The following PIK3C2G variants were observed in gnomAD, a reference collection of about 807,000 sequenced individuals.
PIK3C2G encodes phosphatidylinositol 3-kinase C2 domain-containing subunit gamma.
A neutral mutation model predicts 181.1 loss-of-function variants in PIK3C2G; 168 were observed. The observed-to-expected ratio is 0.93, with a 90% CI of 0.82 to 1.05. The LOEUF is 1.05. Ranked by LOEUF, PIK3C2G falls within the 50% of genes least tolerant of loss-of-function variation. The pLI is 0.00. For missense variants in PIK3C2G, 1,869 were observed against 1,732.8 expected, an observed-to-expected ratio of 1.08 and a Z score of -1.40; for synonymous variants, 573 against 592.2, an observed-to-expected ratio of 0.97 and a Z score of 0.47.
intron 16 of PIK3C2G, among the ~76,000 whole-genome samples, chr12:18,401,052 G>A (rs1592163416): frequency 2.0e-5 from 3 of 152,082 alleles, no homozygotes; most frequent in Non-Finnish European, 4.4e-5. Context: ...ATATGCAACA[G>A]GTAAAATGTG....
chr12:18,564,932 T>G (rs1049093597), intron 28 of PIK3C2G, among the ~76,000 whole-genome samples: 3 of 152,180 alleles, frequency 2.0e-5, no homozygotes, highest in Non-Finnish European at 2.9e-5. Context: ...TTGTAAAACT[T>G]TAAAAATTCT....
chr12:18,430,701 G>C (rs1052244026), intron 18 of PIK3C2G, among the ~76,000 whole-genome samples: 2 of 152,098 alleles, frequency 1.3e-5, no homozygotes, highest in Non-Finnish European at 2.9e-5. Flanking sequence ...TCAGAAACGA[G>C]GCAATGGATA....
the PIK3C2G span, among the ~76,000 whole-genome samples, chr12:18,682,202 C>G: frequency 6.6e-6 from 1 of 151,994 alleles, no homozygotes; most frequent in Non-Finnish European, 1.5e-5. Flanking sequence ...CTCAGTGATA[C>G]GTTTATTTTA....
chr12:18,377,299 T>C (rs763247809), intron 13 of PIK3C2G, among the ~76,000 whole-genome samples: 8 of 152,222 alleles, frequency 5.3e-5, no homozygotes, highest in Admixed American at 3.3e-4. Context: ...AAATTTTGTG[T>C]TGGCTTTTCT....
chr12:18,467,399 C>G (rs1267695404), intron 18 of PIK3C2G, among the ~76,000 whole-genome samples: 1 of 151,852 alleles, frequency 6.6e-6, no homozygotes, highest in African/African-American at 2.4e-5. Flanking sequence ...AAATTTTTAT[C>G]TACAATTGGT....
intron 1 of PIK3C2G, among the ~76,000 whole-genome samples, chr12:18,250,131 T>C (rs1167757846): frequency 6.6e-6 from 1 of 152,080 alleles, no homozygotes; most frequent in Non-Finnish European, 1.5e-5. Flanking sequence ...TTAGAAAATA[T>C]CGACTGGAAC....
At chr12:18,579,473 T>C (rs1025673938) in intron 29 of PIK3C2G, among the ~76,000 whole-genome samples, 11 of 152,200 alleles carry the variant, frequency 7.2e-5, no homozygotes, top group African/African-American at 2.4e-4. Context: ...TGGGGATTTG[T>C]TCTAAAGATA....
upstream of PIK3C2G, chr12:18,261,512 G>A (rs1380949125): frequency 6.6e-6 from 1 of 152,048 alleles, no homozygotes; most frequent in Admixed American, 6.6e-5. Flanking sequence ...TTTAGCTTGT[G>A]TGAGCGTATT....
intron 8 of PIK3C2G, among the ~76,000 whole-genome samples, chr12:18,328,198 A>C (rs545924323): frequency 6.6e-6 from 1 of 152,080 alleles, no homozygotes; most frequent in African/African-American, 2.4e-5. Flanking sequence ...CGATCTGGTC[A>C]GAAAATAACT....
chr12:18,250,457 A>G (rs1948084792), intron 1 of PIK3C2G, among the ~76,000 whole-genome samples: 1 of 152,072 alleles, frequency 6.6e-6, no homozygotes, highest in African/African-American at 2.4e-5. Flanking sequence ...TTTTAGCCAC[A>G]ATCACGAGGA....
chr12:18,626,352 A>G (rs560756393), intron 31 of PIK3C2G, among the ~76,000 whole-genome samples: 225 of 152,030 alleles, frequency 1.5e-3, no homozygotes, highest in Admixed American at 5.3e-3. Flanking sequence ...CTGAATATAT[A>G]TTATTTTGTA....
intron 6 of PIK3C2G, among the ~76,000 whole-genome samples, chr12:18,317,320 A>T (rs564160914): frequency 6.6e-6 from 1 of 151,944 alleles, no homozygotes; most frequent in African/African-American, 2.4e-5. Flanking sequence ...CCAAGTCTTG[A>T]TAGTTTCAGG....
intron 14 of PIK3C2G, among the ~76,000 whole-genome samples, chr12:18,390,350 G>GA (rs375039368): frequency 1.5e-4 from 23 of 152,024 alleles, no homozygotes; most frequent in Non-Finnish European, 3.1e-4. Flanking sequence ...ATATTAAAAT[G>GA]AAAAAAACCC....
At chr12:18,644,141 T>C (rs965429443) in intron 32 of PIK3C2G, among the ~76,000 whole-genome samples, 4 of 152,094 alleles carry the variant, frequency 2.6e-5, no homozygotes, top group African/African-American at 9.7e-5. Context: ...GCTTGTCTAT[T>C]TGACACTTCG....
chr12:18,542,231 G>T (rs747753707), intron 25 of PIK3C2G, among the ~76,000 whole-genome samples: 1 of 151,774 alleles, frequency 6.6e-6, no homozygotes, highest in East Asian at 1.9e-4. Flanking sequence ...ATGAGCACAC[G>T]GAAGTCTCCA....
intron 30 of PIK3C2G, among the ~76,000 whole-genome samples, chr12:18,602,236 G>T (rs73068391): frequency 1.3e-5 from 2 of 152,164 alleles, no homozygotes; most frequent in African/African-American, 4.8e-5. Context: ...TGTGGGAGCT[G>T]GGTGAGGCCT....
the PIK3C2G span, among the ~76,000 whole-genome samples, chr12:18,668,257 A>T: frequency 1.1e-3 from 162 of 152,312 alleles, 2 homozygotes; most frequent in Middle Eastern, 3.4e-3. Context: ...AGAAACACAC[A>T]TCACATTTTC....
chr12:18,545,487 G>C (rs1944374742), intron 25 of PIK3C2G, among the ~76,000 whole-genome samples: 1 of 151,410 alleles, frequency 6.6e-6, no homozygotes, highest in African/African-American at 2.4e-5. Flanking sequence ...CTTAGTCATA[G>C]AAGTGCTGAT....
intron 16 of PIK3C2G, among the ~76,000 whole-genome samples, chr12:18,402,617 T>TAAC (rs990247114): frequency 4.6e-5 from 7 of 152,194 alleles, no homozygotes; most frequent in African/African-American, 1.7e-4. Context: ...TCTAACAAGA[T>TAAC]AACTTTCCAA....
Sources: gnomAD v4.1 joint callset for allele counts (sites outside exome capture counted in the v4.1 genomes callset) on GRCh38, gnomAD v4.1.1 for gene constraint, MANE v1.5 for transcripts, NCBI Gene and HGNC (gene_info 2026-07-23, HGNC 2026-07-21) for gene names.